The following EYA4 variants were observed in gnomAD, a reference collection of about 807,000 sequenced individuals.
The protein encoded by EYA4 is protein phosphatase EYA4.
In EYA4, 31 loss-of-function variants were observed where a neutral mutation model predicts 87.9. That is an observed-to-expected ratio of 0.35 (90% CI 0.27 to 0.48). The LOEUF is 0.48. Ranked by LOEUF, EYA4 falls within the 20% of genes least tolerant of loss-of-function variation. The pLI is 0.99. For missense variants in EYA4, 678 were observed against 761.4 expected, an observed-to-expected ratio of 0.89 and a Z score of 1.29; for synonymous variants, 263 against 270.6, an observed-to-expected ratio of 0.97 and a Z score of 0.28.
chr6:133,361,471 A>T (rs772173723), intron 2 of EYA4, among the ~76,000 whole-genome samples: 1 of 152,048 alleles, frequency 6.6e-6, no homozygotes, highest in African/African-American at 2.4e-5. Flanking sequence ...TGGAAGTAAT[A>T]AGTCTCATTA....
At chr6:133,528,102 A>G (rs558303513) in intron 19 of EYA4, among the ~76,000 whole-genome samples, 17 of 152,306 alleles carry the variant, frequency 1.1e-4, no homozygotes, top group African/African-American at 4.1e-4. Flanking sequence ...CCCATTGAAA[A>G]TGTATGCTAG....
chr6:133,395,279 G>A (rs761237443), intron 3 of EYA4, among the ~76,000 whole-genome samples: 45 of 148,722 alleles, frequency 3.0e-4, no homozygotes, highest in Admixed American at 9.4e-4. Flanking sequence ...AGCACAGTGT[G>A]TGGCACATAG....
chr6:133,377,546 A>T (rs900017531), intron 2 of EYA4, among the ~76,000 whole-genome samples: 1 of 148,584 alleles, frequency 6.7e-6, no homozygotes, highest in African/African-American at 2.5e-5. Context: ...AACAACGCAG[A>T]AGTTGTTTTT....
At chr6:133,508,438 TG>T (rs1562500432) in intron 14 of EYA4, among the ~76,000 whole-genome samples, 1 of 152,142 alleles carries the variant, frequency 6.6e-6, no homozygotes, top group African/African-American at 2.4e-5. Context: ...GTTTTTCTGT[TG>T]ATCAGTATGG....
intron 11 of EYA4, among the ~76,000 whole-genome samples, chr6:133,479,555 G>A (rs1348512384): frequency 1.3e-5 from 2 of 151,628 alleles, no homozygotes; most frequent in Non-Finnish European, 2.9e-5. Context: ...TAACTGCTTG[G>A]TTTTCCTCAG....
chr6:133,363,812 G>C (rs907463465), intron 2 of EYA4, among the ~76,000 whole-genome samples: 1 of 152,118 alleles, frequency 6.6e-6, no homozygotes, highest in African/African-American at 2.4e-5. Flanking sequence ...TCCCGCTTTC[G>C]GGTCCAGTCA....
chr6:133,377,443 C>A (rs1785787046), intron 2 of EYA4, among the ~76,000 whole-genome samples: 1 of 151,860 alleles, frequency 6.6e-6, no homozygotes, highest in Non-Finnish European at 1.5e-5. Flanking sequence ...ACGTCTAGTT[C>A]ATCTCTGTGG....
chr6:133,390,648 A>G (rs1310658008), intron 3 of EYA4, among the ~76,000 whole-genome samples: 1 of 152,228 alleles, frequency 6.6e-6, no homozygotes, highest in South Asian at 2.1e-4. Context: ...GAAAAAATAT[A>G]TACCAGTTAC....
chr6:133,255,399 G>A (rs1358918523), intron 1 of EYA4, among the ~76,000 whole-genome samples: 2 of 152,176 alleles, frequency 1.3e-5, no homozygotes, highest in Non-Finnish European at 2.9e-5. Flanking sequence ...TGGTTTGGTT[G>A]CTGGTCATGT....
chr6:133,291,533 T>C (rs920114047), intron 2 of EYA4, among the ~76,000 whole-genome samples: 2 of 152,198 alleles, frequency 1.3e-5, no homozygotes, highest in African/African-American at 2.4e-5. Flanking sequence ...AGTTTCGTTA[T>C]GGTGCTCAGT....
chr6:133,531,455 A>C lies in EYA4; in HGVS notation c.*2650A>C, dbSNP rs116548108. On this transcript the variant is annotated 3_prime_UTR_variant, in exon 20 of 20. Coordinates refer to ENST00000355286, the MANE Select transcript of EYA4 (RefSeq NM_004100.5). ...TTCCCACCTCCTATTGACATATGGA[A>C]TATTGTGCCTTATTGTAAACCAGTT... is the stretch of plus-strand genomic sequence containing the variant. 2 of 513,978 alleles carry C rather than the reference A, an allele frequency of 3.9e-6. No individual in the cohort carries two copies. Among genetic ancestry groups the C allele is most frequent in the African/African-American group, 3.8e-5 (2 of 52,110 alleles). 31.8% of individuals were successfully genotyped at this position (513,978 alleles called of 1,614,324 possible). A position where few individuals can be genotyped will look rare whatever the true frequency, so the allele number is the denominator to read the frequency against.
intron 3 of EYA4, among the ~76,000 whole-genome samples, chr6:133,418,126 G>A (rs1399153339): frequency 3.3e-5 from 5 of 152,108 alleles, no homozygotes; most frequent in African/African-American, 1.2e-4. Context: ...ATTTTGCCTG[G>A]GGTCTTTCTC....
At chr6:133,425,709 T>A (rs1444446519) in intron 3 of EYA4, among the ~76,000 whole-genome samples, 1 of 150,772 alleles carries the variant, frequency 6.6e-6, no homozygotes, top group Non-Finnish European at 1.5e-5. Flanking sequence ...TAGCTCTAAC[T>A]ATCTCTTAGC....
intron 11 of EYA4, among the ~76,000 whole-genome samples, chr6:133,473,686 C>T (rs1795473873): frequency 6.6e-6 from 1 of 151,946 alleles, no homozygotes; most frequent in Admixed American, 6.6e-5. Context: ...TGTGGGCACA[C>T]AGCCCCTTTG....
chr6:133,337,866 T>C (rs1782493137), intron 2 of EYA4, among the ~76,000 whole-genome samples: 2 of 152,236 alleles, frequency 1.3e-5, no homozygotes, highest in African/African-American at 4.8e-5. Context: ...ACATTTACGC[T>C]GCCGATGTCA....
intron 3 of EYA4, among the ~76,000 whole-genome samples, chr6:133,434,387 A>AC (rs1283661401): frequency 6.6e-6 from 1 of 152,206 alleles, no homozygotes; most frequent in Non-Finnish European, 1.5e-5. Context: ...AAATAGACAA[A>AC]CCAGGCTGTT....
intron 3 of EYA4, among the ~76,000 whole-genome samples, chr6:133,402,199 C>T (rs191809516): frequency 9.2e-5 from 14 of 151,858 alleles, no homozygotes; most frequent in African/African-American, 3.4e-4. Context: ...CCCTTCTTTA[C>T]ACCATTGTAG....
chr6:133,463,572 G>T (rs1794593738), intron 9 of EYA4, among the ~76,000 whole-genome samples: 1 of 151,942 alleles, frequency 6.6e-6, no homozygotes, highest in African/African-American at 2.4e-5. Flanking sequence ...TGTTGATCAG[G>T]CTGGTCTCAA....
chr6:133,325,740 A>T (rs1336520), intron 2 of EYA4, among the ~76,000 whole-genome samples: 17,555 of 152,150 alleles, frequency 0.12, 1,274 homozygotes, highest in Non-Finnish European at 0.16. Flanking sequence ...CAAGGTAGTA[A>T]ATGTTTTGGA....
Sources: gnomAD v4.1 joint callset for allele counts (sites outside exome capture counted in the v4.1 genomes callset) on GRCh38, gnomAD v4.1.1 for gene constraint, MANE v1.5 for transcripts, NCBI Gene and HGNC (gene_info 2026-07-23, HGNC 2026-07-21) for gene names.